CSPP1: variants seen among roughly 807,000 people sequenced by gnomAD.
CSPP1 encodes centrosome and spindle pole associated protein 1.
A neutral mutation model predicts 164.4 loss-of-function variants in CSPP1; 126 were observed. The ratio of observed to expected loss-of-function variants is 0.77; its 90% CI spans 0.66 to 0.89. The LOEUF is 0.89. Among genes scored for constraint, CSPP1 ranks in the 40% least tolerant of loss-of-function variants. The probability of loss-of-function intolerance (pLI) is 0.00; values close to 1 mark genes in which losing one functional copy is unlikely to be tolerated. For synonymous variants in CSPP1, 472 were observed against 476.7 expected, an observed-to-expected ratio of 0.99 and a Z score of 0.13; for missense variants, 1,395 against 1,449.8, an observed-to-expected ratio of 0.96 and a Z score of 0.61.
chr8:67,160,202 T>G (rs1828053539), intron 21 of CSPP1, among the ~76,000 whole-genome samples: 1 of 150,768 alleles, frequency 6.6e-6, no homozygotes, highest in Non-Finnish European at 1.5e-5. Flanking sequence ...TTTTTTATTG[T>G]AAAATTCATC....
In CSPP1 at chr8:67,097,744, A is replaced by G. The variant is rs1265694074; in HGVS notation, c.923+2012A>G. 2.0e-5 allele frequency among the ~76,000 whole-genome samples: 3 copies of G among 152,002 alleles called. No individual in the cohort carries two copies. The East Asian group carries it at 5.8e-4, about 29-fold the overall frequency. On this transcript the variant is annotated intron_variant, in intron 7 of 30. Transcript: ENST00000678616. ...ATTATATCCTGTGATAATTTTATAC[A>G]TGAACTAACAAATGAATATCATTCT...
chr8:67,129,850 A>T (rs1170097752), intron 15 of CSPP1, among the ~76,000 whole-genome samples: 1 of 152,178 alleles, frequency 6.6e-6, no homozygotes, highest in Non-Finnish European at 1.5e-5. Flanking sequence ...CTGAGGGTTG[A>T]GTAGGGATTG....
intron 17 of CSPP1, among the ~76,000 whole-genome samples, chr8:67,142,980 TTAGA>T (rs1192529819): frequency 6.6e-6 from 1 of 152,198 alleles, no homozygotes; most frequent in Non-Finnish European, 1.5e-5. Flanking sequence ...CGTTAACGTC[TTAGA>T]TAATCATGGC....
At chr8:67,067,257 C>T (rs1585769493) in intron 1 of CSPP1, among the ~76,000 whole-genome samples, 1 of 152,240 alleles carries the variant, frequency 6.6e-6, no homozygotes, top group East Asian at 1.9e-4. Flanking sequence ...TCAGTTTTAA[C>T]TGGGTTCTGT....
At chr8:67,157,045 A>G (rs959202423) in intron 19 of CSPP1, among the ~76,000 whole-genome samples, 2 of 152,138 alleles carry the variant, frequency 1.3e-5, no homozygotes, top group African/African-American at 4.8e-5. Context: ...TTGATGGAAA[A>G]GTGACCCCTG....
At chr8:67,118,884 C>A in intron 15 of CSPP1, 63 bp downstream of exon 15, 1 of 1,064,408 alleles carries the variant, frequency 9.4e-7, no homozygotes, top group Non-Finnish European at 1.5e-6. Flanking sequence ...TACACATAAC[C>A]TAAAAGCCAC....
intron 29 of CSPP1, among the ~76,000 whole-genome samples, chr8:67,191,539 ATTAT>A (rs998266348): frequency 3.3e-5 from 5 of 152,284 alleles, no homozygotes; most frequent in African/African-American, 9.6e-5. Context: ...ACACTGTATG[ATTAT>A]TTGTGACTGG....
chr8:67,082,214 C>CT (rs566882339), intron 3 of CSPP1, among the ~76,000 whole-genome samples: 20 of 152,206 alleles, frequency 1.3e-4, no homozygotes, highest in Non-Finnish European at 2.4e-4. Context: ...CACCCAGCTA[C>CT]TTTTTTTGTG....
intron 15 of CSPP1, among the ~76,000 whole-genome samples, chr8:67,126,006 A>G (rs555341890): frequency 1.3e-5 from 2 of 151,952 alleles, no homozygotes; most frequent in South Asian, 2.1e-4. Flanking sequence ...TTAATTGTGT[A>G]TTTTTGCTAG....
At position 67,111,961 on chromosome 8, in the gene CSPP1, C is replaced by T. The variant is rs753835152; in HGVS notation, c.1094-11C>T. 4.1e-5 allele frequency: 64 copies of T among 1,547,632 alleles called. 1 individual carries two copies. The Admixed American group carries it at 1.0e-3, about 24-fold the overall frequency. On this transcript the variant is annotated splice_polypyrimidine_tract_variant and intron_variant, in intron 9 of 30. Coordinates refer to ENST00000678616, the MANE Select transcript of CSPP1 (RefSeq NM_001382391.1). Reference sequence around the variant, plus strand: ...GAGTTAAGATTGTATTTTTCTCATACCACTATCTAGGAGGTGAAGATCGAG... The same window carrying T: ...GAGTTAAGATTGTATTTTTCTCATATCACTATCTAGGAGGTGAAGATCGAG...
At chr8:67,065,406 A>G in intron 1 of CSPP1, 1 of 233,210 alleles carries the variant, frequency 4.3e-6, no homozygotes, top group Admixed American at 6.5e-5. Flanking sequence ...ACCATCACCT[A>G]CTTTCCAAAC....
rs148136225 is a variant in CSPP1, at chr8:67,119,048, C to G, written c.1697+227C>G. Among the ~76,000 whole-genome samples the G allele has an allele frequency of 0.024, 3,590 of 152,186 alleles. 57 individuals are homozygous for G. The highest frequency in any genetic ancestry group is 0.044 in the Admixed American group (680 of 15,282). On this transcript the variant is annotated intron_variant, in intron 15 of 30. Coordinates refer to ENST00000678616, the MANE Select transcript of CSPP1 (RefSeq NM_001382391.1). ...ATGGTGTACCTCCTCATTCCCCTAC[C>G]TCCGTTCTCTGGCAACCACCATTCT...
At chr8:67,171,065 C>A (rs1830367791) in intron 24 of CSPP1, among the ~76,000 whole-genome samples, 1 of 147,290 alleles carries the variant, frequency 6.8e-6, no homozygotes, top group African/African-American at 2.5e-5. Context: ...GGATTACAGG[C>A]ATGAGCTACT....
chr8:67,168,698 A>T (rs1050161651), intron 24 of CSPP1, among the ~76,000 whole-genome samples: 1 of 152,212 alleles, frequency 6.6e-6, no homozygotes, highest in African/African-American at 2.4e-5. Context: ...CTTTATTGCA[A>T]TTTCATGAAT....
rs532287257 is a variant in CSPP1 at position 67,158,364 on chromosome 8, T to C, written c.2242-83T>C. The C allele has an allele frequency of 1.0e-5, 14 of 1,383,060 alleles. No individual in the cohort carries two copies. In the East Asian group the frequency reaches 2.5e-4, roughly 25 times the overall value. 85.7% of individuals were successfully genotyped at this position (1,383,060 alleles called of 1,614,324 possible). On this transcript the variant is annotated intron_variant, in intron 19 of 30. Coordinates refer to ENST00000678616, the MANE Select transcript of CSPP1 (RefSeq NM_001382391.1). Reference sequence around the variant, plus strand: ...CAAAAAGAGGGTACAAGTGTTGAGTTTATATACTATCAGGAAAAAAATAAG... The same window carrying C: ...CAAAAAGAGGGTACAAGTGTTGAGTCTATATACTATCAGGAAAAAAATAAG...
At chr8:67,137,345 AG>A in intron 16 of CSPP1, 110 bp from the exon 17 acceptor site, 1 of 832,614 alleles carries the variant, frequency 1.2e-6, no homozygotes, top group South Asian at 3.0e-5. Context: ...AAAAAAAAAA[AG>A]CAAATTTTTT....
chr8:67,194,296 A>C (rs1372412656), intron 30 of CSPP1, among the ~76,000 whole-genome samples: 3 of 152,222 alleles, frequency 2.0e-5, no homozygotes, highest in East Asian at 1.9e-4. Flanking sequence ...TTAGTCTGTT[A>C]ATCTACATTA....
At chr8:67,175,832 G>A (rs1831486177) in intron 26 of CSPP1, among the ~76,000 whole-genome samples, 1 of 152,208 alleles carries the variant, frequency 6.6e-6, no homozygotes, top group African/African-American at 2.4e-5. Flanking sequence ...GTGTGAGTGT[G>A]TTTAAGTTTT....
intron 7 of CSPP1, among the ~76,000 whole-genome samples, chr8:67,100,766 A>G (rs1813900272): frequency 6.7e-6 from 1 of 148,448 alleles, no homozygotes; most frequent in Non-Finnish European, 1.5e-5. Flanking sequence ...AATTTGTAAT[A>G]AAGATTTCTT....
Sources: allele counts gnomAD v4.1 joint callset (sites outside exome capture counted in the v4.1 genomes callset), GRCh38; gene constraint gnomAD v4.1.1; transcripts MANE v1.5; gene names NCBI Gene and HGNC (gene_info 2026-07-23, HGNC 2026-07-21).